Variants in TMCC1 observed in about 807,000 individuals in gnomAD.
TMCC1 encodes transmembrane and coiled-coil domain family 1, also known as transmembrane and coiled-coil domains protein 1.
Under a neutral mutation model 52.4 loss-of-function variants are expected in TMCC1, and 15 were observed. The observed-to-expected ratio is 0.29, with a 90% CI of 0.19 to 0.44. The LOEUF is 0.44. Ranked by LOEUF, TMCC1 falls within the 20% of genes least tolerant of loss-of-function variation. TMCC1 has a pLI of 1.00. For missense variants in TMCC1, 503 were observed against 806.0 expected, an observed-to-expected ratio of 0.62 and a Z score of 4.55; for synonymous variants, 279 against 301.9, an observed-to-expected ratio of 0.92 and a Z score of 0.79.
intron 4 of TMCC1, among the ~76,000 whole-genome samples, chr3:129,683,658 T>C (rs2108927633): frequency 6.6e-6 from 1 of 152,356 alleles, no homozygotes; most frequent in Non-Finnish European, 1.5e-5. Flanking sequence ...AGGTGAACTC[T>C]GGGCTTTTAG....
intron 2 of TMCC1, among the ~76,000 whole-genome samples, chr3:129,871,092 C>T (rs962426037): frequency 3.9e-5 from 6 of 152,080 alleles, no homozygotes; most frequent in Non-Finnish European, 2.9e-5. Context: ...GGCGCGGTGG[C>T]TCACACCTGT....
intron 4 of TMCC1, among the ~76,000 whole-genome samples, chr3:129,761,161 TA>T (rs1167397713): frequency 6.6e-6 from 1 of 151,122 alleles, no homozygotes; most frequent in Non-Finnish European, 1.5e-5. Flanking sequence ...CCGTCTCTAC[TA>T]AAAATACAAA....
intron 1 of TMCC1, among the ~76,000 whole-genome samples, chr3:129,889,557 T>C (rs750842642): frequency 5.9e-5 from 9 of 152,224 alleles, no homozygotes; most frequent in Non-Finnish European, 1.2e-4. Context: ...TGGGAAACAG[T>C]GTAGGATAGG....
At chr3:129,783,388 G>A (rs1337163696) in intron 4 of TMCC1, among the ~76,000 whole-genome samples, 1 of 152,128 alleles carries the variant, frequency 6.6e-6, no homozygotes, top group Non-Finnish European at 1.5e-5. Flanking sequence ...GAAACATGTA[G>A]TTAGAACACA....
chr3:129,854,256 G>A (rs943411943), intron 2 of TMCC1, among the ~76,000 whole-genome samples: 2 of 152,002 alleles, frequency 1.3e-5, no homozygotes, highest in Admixed American at 6.6e-5. Context: ...GCCTGGTGTC[G>A]TGGCACACAA....
At chr3:129,658,962 G>A (rs929462120) in intron 5 of TMCC1, among the ~76,000 whole-genome samples, 2 of 152,130 alleles carry the variant, frequency 1.3e-5, no homozygotes, top group African/African-American at 4.8e-5. Flanking sequence ...TTCAAGGAGA[G>A]GCTGCTTGTC....
At chr3:129,820,077 G>A (rs185064543) in intron 4 of TMCC1, among the ~76,000 whole-genome samples, 128 of 148,222 alleles carry the variant, frequency 8.6e-4, no homozygotes, top group Non-Finnish European at 1.6e-3. Flanking sequence ...CCTTCTCCTT[G>A]AACTATCTAT....
chr3:129,793,629 CT>C (rs2056621396), intron 4 of TMCC1, among the ~76,000 whole-genome samples: 1 of 152,190 alleles, frequency 6.6e-6, no homozygotes, highest in Admixed American at 6.5e-5. Context: ...TCAAGGAGGG[CT>C]GGCTACAGGC....
rs181582818 is a variant in TMCC1, at chr3:129,748,041, A to C, written c.577-76777T>G. Among the ~76,000 whole-genome samples the C allele has an allele frequency of 2.6e-5, 4 of 152,342 alleles. No individual in the cohort carries two copies. In the East Asian group the frequency reaches 7.7e-4, roughly 29 times the overall value. On this transcript the variant is annotated intron_variant, in intron 4 of 6. Coordinates refer to ENST00000393238, the MANE Select transcript of TMCC1 (RefSeq NM_001017395.5). ...ACTTAGAAATATATTATTTTGAATA[A>C]CTAGGAAAACATGGACTTAATCAGC...
chr3:129,859,015 G>A (rs1428210067), intron 2 of TMCC1, among the ~76,000 whole-genome samples: 2 of 152,102 alleles, frequency 1.3e-5, no homozygotes, highest in Admixed American at 6.5e-5. Context: ...TATAAACATA[G>A]TATATGGTAA....
chr3:129,704,946 A>G (rs1306490614), intron 4 of TMCC1, among the ~76,000 whole-genome samples: 1 of 152,228 alleles, frequency 6.6e-6, no homozygotes, highest in African/African-American at 2.4e-5. Context: ...TATACCAGGG[A>G]CAGTAATTAT....
In TMCC1 at chr3:129,718,521, G is replaced by A. The variant is rs529085146; in HGVS notation, c.577-47257C>T. ...AACCTCGAATAATACCATGAGATGC[G>A]TAAGAAGTGAGACTAGTGACACTGA... On this transcript the variant is annotated intron_variant, in intron 4 of 6. Coordinates refer to ENST00000393238, the MANE Select transcript of TMCC1 (RefSeq NM_001017395.5). 2.8e-4 allele frequency among the ~76,000 whole-genome samples: 42 copies of A among 152,286 alleles called. No homozygotes were observed. In the South Asian group the frequency reaches 8.1e-3, roughly 29 times the overall value.
At chr3:129,871,833 C>T (rs1005327260) in intron 2 of TMCC1, among the ~76,000 whole-genome samples, 1 of 152,160 alleles carries the variant, frequency 6.6e-6, no homozygotes, top group Admixed American at 6.5e-5. Context: ...AAAAAAGATA[C>T]ATGATTTTCA....
intron 4 of TMCC1, among the ~76,000 whole-genome samples, chr3:129,803,032 G>A (rs2057281384): frequency 6.6e-6 from 1 of 152,216 alleles, no homozygotes; most frequent in Non-Finnish European, 1.5e-5. Flanking sequence ...AAGAGAGCAT[G>A]CACAAGAGTG....
intron 4 of TMCC1, among the ~76,000 whole-genome samples, chr3:129,706,754 A>G (rs1391494223): frequency 6.6e-6 from 1 of 152,218 alleles, no homozygotes; most frequent in Non-Finnish European, 1.5e-5. Context: ...AAGGCTTCCT[A>G]AAGTCTATAC....
chr3:129,682,459 C>T (rs2089068883), intron 4 of TMCC1, among the ~76,000 whole-genome samples: 1 of 151,942 alleles, frequency 6.6e-6, no homozygotes, highest in East Asian at 1.9e-4. Context: ...AAAACTTCTC[C>T]TGTTTATATT....
chr3:129,844,474 A>C (rs921087638), intron 2 of TMCC1, among the ~76,000 whole-genome samples: 2 of 152,236 alleles, frequency 1.3e-5, no homozygotes, highest in African/African-American at 4.8e-5. Flanking sequence ...TACATATGCA[A>C]GAATAAATTC....
chr3:129,865,430 C>G (rs986994021), intron 2 of TMCC1, among the ~76,000 whole-genome samples: 1 of 151,830 alleles, frequency 6.6e-6, no homozygotes, highest in South Asian at 2.1e-4. Flanking sequence ...GGATTACAGG[C>G]GTGAGCCACC....
chr3:129,676,798 A>G (rs2088489437), intron 4 of TMCC1, among the ~76,000 whole-genome samples: 1 of 152,172 alleles, frequency 6.6e-6, no homozygotes, highest in Admixed American at 6.5e-5. Flanking sequence ...TTTCTCATCT[A>G]TACAACAGGG....
Sources: gnomAD v4.1 joint callset for allele counts (sites outside exome capture counted in the v4.1 genomes callset) on GRCh38, gnomAD v4.1.1 for gene constraint, MANE v1.5 for transcripts, NCBI Gene and HGNC (gene_info 2026-07-23, HGNC 2026-07-21) for gene names.